The following SH3RF3 variants were observed in gnomAD, a reference collection of about 807,000 sequenced individuals.
The protein encoded by SH3RF3 is E3 ubiquitin-protein ligase SH3RF3.
In SH3RF3, 29 loss-of-function variants were observed where a neutral mutation model predicts 66.3. The observed-to-expected ratio is 0.44, with a 90% confidence interval of 0.33 to 0.60. SH3RF3 has a LOEUF of 0.60. Among genes scored for constraint, SH3RF3 ranks in the 20% least tolerant of loss-of-function variants. SH3RF3 has a pLI of 0.04. For synonymous variants in SH3RF3, 583 were observed against 532.0 expected, an observed-to-expected ratio of 1.10 and a Z score of -1.32; for missense variants, 1,194 against 1,190.9, an observed-to-expected ratio of 1.00 and a Z score of -0.04.
chr2:109,301,770 C>T (rs577474503), intron 1 of SH3RF3, among the ~76,000 whole-genome samples: 3 of 152,352 alleles, frequency 2.0e-5, no homozygotes, highest in South Asian at 4.1e-4. Context: ...TCCTACCCAT[C>T]CTTTTTGGGT....
intron 7 of SH3RF3, among the ~76,000 whole-genome samples, chr2:109,448,918 C>G (rs1422506768): frequency 3.3e-5 from 5 of 152,162 alleles, no homozygotes; most frequent in Non-Finnish European, 2.9e-5. Flanking sequence ...TTTAGCTCCA[C>G]CTGAGGAAAG....
At chr2:109,210,695 A>T (rs1678952533) in intron 1 of SH3RF3, among the ~76,000 whole-genome samples, 1 of 152,076 alleles carries the variant, frequency 6.6e-6, no homozygotes, top group Non-Finnish European at 1.5e-5. Flanking sequence ...CCCAGGAAGG[A>T]GGTTGGGTTT....
intron 1 of SH3RF3, among the ~76,000 whole-genome samples, chr2:109,187,052 A>G (rs1238549361): frequency 6.7e-6 from 1 of 149,726 alleles, no homozygotes; most frequent in African/African-American, 2.4e-5. Flanking sequence ...TGCTGGCCCC[A>G]CCTGTCACGG....
chr2:109,196,541 G>T (rs1678502987), intron 1 of SH3RF3, among the ~76,000 whole-genome samples: 1 of 152,212 alleles, frequency 6.6e-6, no homozygotes, highest in African/African-American at 2.4e-5. Flanking sequence ...GTGCTGAGAG[G>T]TCCGTGGGTT....
chr2:109,421,290 T>C (rs1436315444), intron 5 of SH3RF3, among the ~76,000 whole-genome samples: 1 of 152,262 alleles, frequency 6.6e-6, no homozygotes, highest in African/African-American at 2.4e-5. Context: ...CAGATGTGTT[T>C]GTTTTGGAGT....
chr2:109,139,874 A>T (rs567679202), intron 1 of SH3RF3, among the ~76,000 whole-genome samples: 24 of 152,334 alleles, frequency 1.6e-4, no homozygotes, highest in Non-Finnish European at 2.2e-4. Flanking sequence ...AGTCGTGTGG[A>T]CAGGGGTCTA....
chr2:109,230,868 A>G (rs1226615187), intron 1 of SH3RF3, among the ~76,000 whole-genome samples: 2 of 152,206 alleles, frequency 1.3e-5, no homozygotes, highest in Non-Finnish European at 2.9e-5. Context: ...TCACTGGCCA[A>G]TAGGACTCCC....
chr2:109,275,673 G>T (rs147264042), intron 1 of SH3RF3, among the ~76,000 whole-genome samples: 2 of 152,176 alleles, frequency 1.3e-5, no homozygotes, highest in African/African-American at 2.4e-5. Flanking sequence ...TTGTCTGGAT[G>T]CTTGATTAGC....
rs1679449150 is a variant in SH3RF3 at position 109,503,461 on chromosome 2, T to G, written c.*1790T>G. 6.6e-6 allele frequency: 1 copy of G among 152,166 alleles called. No homozygotes were observed. Among genetic ancestry groups the G allele is most frequent in the Admixed American group, 6.5e-5 (1 of 15,286 alleles). The allele number at this position is 152,166 out of a possible 1,614,324, so 9.4% of individuals were successfully genotyped here. A position where few individuals can be genotyped will look rare whatever the true frequency, so the allele number is the denominator to read the frequency against. On this transcript the variant is annotated 3_prime_UTR_variant, in exon 10 of 10. Coordinates refer to ENST00000309415, the MANE Select transcript of SH3RF3 (RefSeq NM_001099289.3). ...GCCTTTCCCTCCCCCAAGATGATAA[T>G]AGATTTAATAGACTCAAAGAAGTTG...
chr2:109,435,921 C>A (rs1210159083), intron 6 of SH3RF3, among the ~76,000 whole-genome samples: 1 of 152,146 alleles, frequency 6.6e-6, no homozygotes, highest in East Asian at 1.9e-4. Flanking sequence ...AGGACACCAC[C>A]CAGGGTCCCC....
chr2:109,129,868 G>A lies in SH3RF3; in HGVS notation c.328G>A (p.Ala110Thr). Residue 110 changes from alanine (A) to threonine (T), a missense_variant, in exon 1 of 10, where the codon GCC (alanine) becomes ACC (threonine). Coordinates refer to ENST00000309415, the MANE Select transcript of SH3RF3 (RefSeq NM_001099289.3). Reference protein sequence around the residue: ...LVGCGVDELPANILLVRLLDG... With the variant: ...LVGCGVDELPTNILLVRLLDG... Reference sequence around the variant, plus strand: ...GGGCTGCGGCGTGGACGAACTGCCCGCCAACATCTTGCTGGTGCGACTGCT... The same window carrying A: ...GGGCTGCGGCGTGGACGAACTGCCCACCAACATCTTGCTGGTGCGACTGCT... 1 of 1,524,762 alleles carries A rather than the reference G, an allele frequency of 6.6e-7. No homozygotes were observed. The highest frequency in any genetic ancestry group is 8.8e-7 in the Non-Finnish European group (1 of 1,141,064). The allele number at this position is 1,524,762 out of a possible 1,614,324, so 94.5% of individuals were successfully genotyped here. A position where few individuals can be genotyped will look rare whatever the true frequency, so the allele number is the denominator to read the frequency against.
Position 109,347,850 on chromosome 2 carries a change from C to T in SH3RF3, c.750C>T (p.Cys250=), listed in dbSNP as rs570023390. Residue 250 remains cysteine, a synonymous_variant, in exon 2 of 10, where the codon TGC becomes TGT. Coordinates refer to ENST00000309415, the MANE Select transcript of SH3RF3 (RefSeq NM_001099289.3). The stretch of plus-strand genomic sequence containing the variant: ...TCCTCCCAGCCAGCTATATCCAGTG[C>T]ATCCAGCCCTTGCCACACGCCCCGC... ...QGFLPASYIQ[C]IQPLPHAPPQ... The T allele has an allele frequency of 6.2e-7, 1 of 1,613,862 alleles. No homozygotes were observed. The highest frequency in any genetic ancestry group is 1.3e-5 in the African/African-American group (1 of 75,042).
At chr2:109,487,771 G>T (rs1049156040) in intron 8 of SH3RF3, among the ~76,000 whole-genome samples, 2 of 152,134 alleles carry the variant, frequency 1.3e-5, no homozygotes, top group Non-Finnish European at 2.9e-5. Flanking sequence ...TCTCTACTCA[G>T]GGGCCAGAAG....
intron 2 of SH3RF3, among the ~76,000 whole-genome samples, chr2:109,368,166 G>A (rs1428399206): frequency 6.6e-6 from 1 of 152,022 alleles, no homozygotes; most frequent in Non-Finnish European, 1.5e-5. Flanking sequence ...CCTTTCCACT[G>A]TTTTTTTAAG....
intron 5 of SH3RF3, among the ~76,000 whole-genome samples, chr2:109,424,214 C>A (rs975177488): frequency 6.6e-6 from 1 of 152,182 alleles, no homozygotes; most frequent in Admixed American, 6.5e-5. Context: ...GACAGCCCTG[C>A]GGAGTTTCCC....
chr2:109,357,433 G>T (rs866388270), intron 2 of SH3RF3, among the ~76,000 whole-genome samples: 29 of 152,198 alleles, frequency 1.9e-4, no homozygotes, highest in African/African-American at 6.0e-4. Context: ...CACCCACCTC[G>T]GCCTCCCAAA....
intron 1 of SH3RF3, among the ~76,000 whole-genome samples, chr2:109,285,046 A>G (rs941616067): frequency 2.0e-5 from 3 of 152,200 alleles, no homozygotes; most frequent in African/African-American, 4.8e-5. Flanking sequence ...CCTCTGCTCC[A>G]TGGCCGGCCA....
intron 9 of SH3RF3, among the ~76,000 whole-genome samples, chr2:109,494,480 T>A (rs567197926): frequency 6.6e-6 from 1 of 151,404 alleles, no homozygotes; most frequent in African/African-American, 2.4e-5. Context: ...GGGAAAATGC[T>A]GACTCCTCGG....
chr2:109,494,565 T>C (rs2104395510), intron 9 of SH3RF3, among the ~76,000 whole-genome samples: 1 of 152,254 alleles, frequency 6.6e-6, no homozygotes, highest in Admixed American at 6.5e-5. Flanking sequence ...CAGGCTTACT[T>C]TGGAGGAGGA....
Sources: gnomAD v4.1 joint callset for allele counts (sites outside exome capture counted in the v4.1 genomes callset) on GRCh38, gnomAD v4.1.1 for gene constraint, MANE v1.5 for transcripts, NCBI Gene and HGNC (gene_info 2026-07-23, HGNC 2026-07-21) for gene names.